The following XPO7 variants were observed in gnomAD, a reference collection of about 807,000 sequenced individuals.
XPO7 encodes the protein exportin 7, also known as exportin-7.
In XPO7, 21 loss-of-function variants were observed where a neutral mutation model predicts 144.3. That is an observed-to-expected ratio of 0.15 (90% CI 0.10 to 0.21). The LOEUF is 0.21. XPO7 is among the 10% of genes least tolerant of loss of function. The pLI is 1.00. For missense variants in XPO7, 808 were observed against 1,325.8 expected (o/e 0.61, Z 6.06); for synonymous variants, 580 against 499.6 (o/e 1.16, Z -2.15).
chr8:22,000,410 A>G (rs1229478921), intron 24 of XPO7, among the ~76,000 whole-genome samples: 1 of 150,538 alleles, frequency 6.6e-6, no homozygotes, highest in African/African-American at 2.4e-5. Flanking sequence ...CCTAGTCCAT[A>G]TGGTTTCTGT....
chr8:21,925,981 A>G (rs1259299931), intron 1 of XPO7, among the ~76,000 whole-genome samples: 1 of 152,178 alleles, frequency 6.6e-6, no homozygotes, highest in Admixed American at 6.5e-5. Flanking sequence ...CTTATGCCCC[A>G]AACAGTAACG....
At chr8:22,003,880 C>G in intron 26 of XPO7, 23 bp from the exon 27 acceptor site, 1 of 1,613,594 alleles carries the variant, frequency 6.2e-7, no homozygotes, top group Non-Finnish European at 8.5e-7. Flanking sequence ...CTCTAACCTT[C>G]TGTTCCACTC....
chr8:21,972,989 A>G (rs149039680), intron 5 of XPO7, among the ~76,000 whole-genome samples: 4 of 152,324 alleles, frequency 2.6e-5, no homozygotes, highest in African/African-American at 9.6e-5. Context: ...CCACCATTCT[A>G]AGCACTTTAT....
At chr8:21,945,682 T>G (rs554834319) in intron 1 of XPO7, among the ~76,000 whole-genome samples, 75 of 152,230 alleles carry the variant, frequency 4.9e-4, no homozygotes, top group Non-Finnish European at 9.8e-4. Context: ...GGAAAATTCC[T>G]TGGGAGCAAA....
At chr8:21,925,014 T>A (rs1341574729) in intron 1 of XPO7, among the ~76,000 whole-genome samples, 1 of 152,250 alleles carries the variant, frequency 6.6e-6, no homozygotes, top group African/African-American at 2.4e-5. Flanking sequence ...ACAAGCCTGG[T>A]CATTGAGTTG....
rs34592897 is a variant in XPO7, at chr8:21,933,096, ATTT to A, written c.18+13328_18+13330del. ...GGAAATTTACTTCTCCTTTTGCTGG[ATTT>A]TTTTTTTTTTTTTTTTTTTGAGATG... is the stretch of plus-strand genomic sequence containing the variant. On this transcript the variant is annotated intron_variant, in intron 1 of 27. Coordinates refer to ENST00000252512, the MANE Select transcript of XPO7 (RefSeq NM_015024.5). Among the ~76,000 whole-genome samples the A allele has an allele frequency of 9.2e-3, 1,019 of 110,734 alleles. 2 individuals carry two copies. The highest frequency in any genetic ancestry group is 0.012 in the Non-Finnish European group (657 of 54,884). 72.6% of individuals were successfully genotyped at this position (110,734 alleles called of 152,430 possible).
chr8:21,940,269 G>A (rs988022272), intron 1 of XPO7, among the ~76,000 whole-genome samples: 10 of 152,136 alleles, frequency 6.6e-5, no homozygotes, highest in Non-Finnish European at 2.9e-5. Context: ...TATTTACCCT[G>A]CCTATTTCTT....
chr8:21,991,425 C>G (rs913909854), intron 18 of XPO7, among the ~76,000 whole-genome samples: 1 of 152,174 alleles, frequency 6.6e-6, no homozygotes, highest in Non-Finnish European at 1.5e-5. Flanking sequence ...TTTAATCCTA[C>G]TAAAATGACA....
intron 20 of XPO7, 115 bp from the exon 21 acceptor site, chr8:21,995,377 C>G: frequency 1.3e-6 from 1 of 781,522 alleles, no homozygotes. Flanking sequence ...AAGCAAGAGA[C>G]AGGAACTTAA....
At chr8:21,974,904 T>TA (rs1812177990) in intron 6 of XPO7, 130 bp downstream of exon 6, 1 of 729,116 alleles carries the variant, frequency 1.4e-6, no homozygotes, top group Non-Finnish European at 2.2e-6. Flanking sequence ...TCATCTCTTA[T>TA]ATAAGACTCA....
chr8:21,987,290 A>G lies in XPO7; in HGVS notation c.1713+14A>G, dbSNP rs1429641615. The G allele has an allele frequency of 3.7e-6, 6 of 1,613,716 alleles. No homozygotes were observed. Among genetic ancestry groups the G allele is most frequent in the Non-Finnish European group, 5.1e-6 (6 of 1,179,798 alleles). On this transcript the variant is annotated intron_variant, in intron 14 of 27. Transcript: ENST00000252512. ...AAATCCTCTAAGGTAACAGCCTCTC[A>G]ATTGGCTCCCCTTAGTTCTCACTTC...
intron 1 of XPO7, among the ~76,000 whole-genome samples, chr8:21,962,033 C>T (rs1811741773): frequency 6.6e-6 from 1 of 152,212 alleles, no homozygotes. Context: ...ATTGAGGTTG[C>T]ACACCTTTTC....
intron 4 of XPO7, among the ~76,000 whole-genome samples, chr8:21,971,007 G>C (rs74950112): frequency 0.014 from 2,091 of 152,090 alleles, 56 homozygotes; most frequent in African/African-American, 0.048. Flanking sequence ...TCCATTCATG[G>C]TAAGCGCCCT....
chr8:21,952,005 C>CA (rs1380655128), intron 1 of XPO7, among the ~76,000 whole-genome samples: 1 of 152,120 alleles, frequency 6.6e-6, no homozygotes, highest in Non-Finnish European at 1.5e-5. Flanking sequence ...CCACATTGTG[C>CA]AAAAATGTGG....
chr8:21,924,237 G>A (rs762154362), intron 1 of XPO7, among the ~76,000 whole-genome samples: 14 of 152,196 alleles, frequency 9.2e-5, no homozygotes, highest in Non-Finnish European at 1.8e-4. Context: ...AATGATATAT[G>A]CTGTGTATAA....
Position 21,989,061 on chromosome 8 carries a change from C to T in XPO7, c.1846C>T (p.Leu616Phe), listed in dbSNP as rs776168577. 1 of 1,613,814 alleles carries T rather than the reference C, an allele frequency of 6.2e-7. No individual in the cohort carries two copies. Among genetic ancestry groups the T allele is most frequent in the Non-Finnish European group, 8.5e-7 (1 of 1,179,858 alleles). Residue 616 changes from leucine to phenylalanine, a missense_variant, in exon 16 of 28, where the codon CTT (leucine) becomes TTT (phenylalanine). Leu to Phe is a conservative substitution (Grantham distance 22). This residue lies in a region of XPO7 where 416 missense variants were observed against 612.5 expected (regional missense o/e 0.68). Transcript: ENST00000252512. ...CEPITSKTLQ[L>F]LNDLSIGYSS... ...ACCAATCACCTCCAAGACACTACAG[C>T]TTCTCAATGACCTGTCCATTGGATA...
At chr8:21,980,245 A>T (rs1448167616) in intron 9 of XPO7, 42 bp downstream of exon 9, 19 of 1,541,010 alleles carry the variant, frequency 1.2e-5, no homozygotes, top group Middle Eastern at 1.7e-4. Flanking sequence ...GGATTAGTGT[A>T]TGGCCAGCTG....
At chr8:21,942,544 CGTT>C (rs1472699017) in intron 1 of XPO7, among the ~76,000 whole-genome samples, 3 of 152,072 alleles carry the variant, frequency 2.0e-5, no homozygotes, top group Non-Finnish European at 2.9e-5. Flanking sequence ...ATTTATGATA[CGTT>C]GTTTTGGTTG....
At chr8:21,987,481 G>T (rs1812618529) in intron 14 of XPO7, among the ~76,000 whole-genome samples, 1 of 152,142 alleles carries the variant, frequency 6.6e-6, no homozygotes, top group Admixed American at 6.5e-5. Context: ...CTTAACAAAT[G>T]GCCAGTCCAA....
Sources: gnomAD v4.1 joint callset for allele counts (sites outside exome capture counted in the v4.1 genomes callset) on GRCh38, gnomAD v4.1.1 for gene constraint, gnomAD v4.1.1 regional missense constraint, MANE v1.5 for transcripts, NCBI Gene and HGNC (gene_info 2026-07-23, HGNC 2026-07-21) for gene names.